Variants in RNLS observed in about 807,000 individuals in gnomAD.
RNLS encodes renalase.
RNLS carries 39 observed loss-of-function variants against 39.8 expected under a neutral mutation model. The ratio of observed to expected loss-of-function variants is 0.98; its 90% CI spans 0.76 to 1.28. RNLS has a LOEUF of 1.28. Among genes scored for constraint, RNLS ranks in the 50% most tolerant of loss-of-function variants. The probability of loss-of-function intolerance (pLI) is 0.00; values close to 1 mark genes in which losing one functional copy is unlikely to be tolerated. For missense variants in RNLS, 410 were observed against 413.3 expected, an observed-to-expected ratio of 0.99 and a Z score of 0.07; for synonymous variants, 147 against 150.7, an observed-to-expected ratio of 0.98 and a Z score of 0.18.
chr10:88,437,952 C>T (rs1284501864), intron 4 of RNLS, among the ~76,000 whole-genome samples: 2 of 151,994 alleles, frequency 1.3e-5, no homozygotes, highest in Non-Finnish European at 2.9e-5. Flanking sequence ...CATGGAGAAA[C>T]CCCGTCTCTA....
rs191340348 is a variant in RNLS, at chr10:88,495,588, C to T, written c.526+77315G>A. On this transcript the variant is annotated intron_variant, in intron 4 of 6. Transcript: ENST00000331772. Reference sequence around the variant, plus strand: ...CATACTGAAAAGAAATCAAAAAGGGCTACCAGTGGGGGATGAGAGAGGAGG... The same window carrying T: ...CATACTGAAAAGAAATCAAAAAGGGTTACCAGTGGGGGATGAGAGAGGAGG... Among the ~76,000 whole-genome samples, 351 of 152,104 alleles carry T rather than the reference C, an allele frequency of 2.3e-3. 1 individual carries two copies. Among genetic ancestry groups the T allele is most frequent in the African/African-American group, 8.1e-3 (337 of 41,494 alleles).
chr10:88,406,034 G>T (rs1055958375), intron 4 of RNLS, among the ~76,000 whole-genome samples: 3 of 152,040 alleles, frequency 2.0e-5, no homozygotes, highest in Non-Finnish European at 4.4e-5. Context: ...TTTGTTTGAG[G>T]AGGCTGAAGA....
the RNLS span, among the ~76,000 whole-genome samples, chr10:88,184,387 A>G: frequency 6.6e-6 from 1 of 152,150 alleles, no homozygotes; most frequent in African/African-American, 2.4e-5. Flanking sequence ...TCTTTCCAGT[A>G]TCTTTCAAGT....
At chr10:88,239,999 T>C in the RNLS span, among the ~76,000 whole-genome samples, 1 of 152,212 alleles carries the variant, frequency 6.6e-6, no homozygotes, top group African/African-American at 2.4e-5. Context: ...GAAATCTTAA[T>C]GATAACCCAA....
intron 4 of RNLS, among the ~76,000 whole-genome samples, chr10:88,558,037 G>A (rs1848966787): frequency 6.6e-6 from 1 of 152,136 alleles, no homozygotes; most frequent in African/African-American, 2.4e-5. Flanking sequence ...CCTTCTGTTA[G>A]GGTAGCAACC....
intron 6 of RNLS, chr10:88,309,413 T>G: frequency 7.8e-7 from 1 of 1,289,742 alleles, no homozygotes; most frequent in Non-Finnish European, 1.0e-6. Context: ...GAGGGGATAA[T>G]GTAAACGTAC....
chr10:88,319,159 C>T (rs1219274785), intron 5 of RNLS, among the ~76,000 whole-genome samples: 1 of 152,044 alleles, frequency 6.6e-6, no homozygotes. Context: ...CAAAAGCTAC[C>T]CACAATGAAG....
At position 88,582,177 on chromosome 10, in the gene RNLS, A is replaced by C. The variant is rs115961323; in HGVS notation, c.224+25T>G. ...TGACATCACACAACTGCTAAGATTG[A>C]TTCCACTCCTTGCAACTAACTCACC... On this transcript the variant is annotated intron_variant, in intron 2 of 6. Coordinates refer to ENST00000331772, the MANE Select transcript of RNLS (RefSeq NM_001031709.3). The C allele has an allele frequency of 2.3e-4, 358 of 1,560,842 alleles. No homozygotes were observed. In the African/African-American group the frequency reaches 4.5e-3, roughly 20 times the overall value.
At chr10:88,469,258 G>T (rs1437468618) in intron 4 of RNLS, among the ~76,000 whole-genome samples, 1 of 152,088 alleles carries the variant, frequency 6.6e-6, no homozygotes, top group Admixed American at 6.6e-5. Flanking sequence ...CAGTGCCCTG[G>T]CCACAGTGCT....
At chr10:88,318,575 T>C (rs1290261977) in intron 5 of RNLS, among the ~76,000 whole-genome samples, 2 of 152,024 alleles carry the variant, frequency 1.3e-5, no homozygotes, top group Non-Finnish European at 2.9e-5. Context: ...AGGGCCCAAC[T>C]CCCTGACCCT....
chr10:88,326,387 C>T lies in RNLS; in HGVS notation c.701-11746G>A, dbSNP rs12246447. The stretch of plus-strand genomic sequence containing the variant: ...ATGAGGAACTTATTGGGAACTAGAG[C>T]GAAGGTCACTCTTGCCATGCTTTAG... On this transcript the variant is annotated intron_variant, in intron 5 of 6. Transcript: ENST00000331772. Among the ~76,000 whole-genome samples, 645 of 152,254 alleles carry T rather than the reference C, an allele frequency of 4.2e-3. 5 individuals are homozygous for T. The highest frequency in any genetic ancestry group is 0.014 in the African/African-American group (590 of 41,534).
At chr10:88,526,599 CA>C (rs1177874092) in intron 4 of RNLS, among the ~76,000 whole-genome samples, 1 of 151,614 alleles carries the variant, frequency 6.6e-6, no homozygotes, top group African/African-American at 2.4e-5. Flanking sequence ...CCTACCTCTA[CA>C]AAAAAATTTA....
At chr10:88,538,349 A>G (rs1212932733) in intron 4 of RNLS, among the ~76,000 whole-genome samples, 4 of 152,202 alleles carry the variant, frequency 2.6e-5, no homozygotes, top group Non-Finnish European at 5.9e-5. Context: ...CTTTGTCGTC[A>G]GAATCAAATC....
At chr10:88,402,033 T>C (rs887429165) in intron 4 of RNLS, among the ~76,000 whole-genome samples, 1 of 151,886 alleles carries the variant, frequency 6.6e-6, no homozygotes, top group African/African-American at 2.4e-5. Flanking sequence ...AGCAATAAGA[T>C]ACAGAAAAGA....
the RNLS span, among the ~76,000 whole-genome samples, chr10:88,249,326 C>T: frequency 6.6e-6 from 1 of 152,302 alleles, no homozygotes; most frequent in Middle Eastern, 3.4e-3. Context: ...ACTGCATTAC[C>T]TGCCGTTGCT....
rs539965512 is a variant in RNLS at position 88,552,028 on chromosome 10, G to C, written c.526+20875C>G. 2.1e-4 allele frequency among the ~76,000 whole-genome samples: 32 copies of C among 152,296 alleles called. No homozygotes were observed. In the South Asian group the frequency reaches 6.2e-3, roughly 30 times the overall value. ...AACGAACACAAGTCAAATGGCAGCA[G>C]CAGTTTCTTTCATTGACCACTTAGC... is the stretch of plus-strand genomic sequence containing the variant. On this transcript the variant is annotated intron_variant, in intron 4 of 6. Coordinates refer to ENST00000331772, the MANE Select transcript of RNLS (RefSeq NM_001031709.3).
At chr10:88,335,392 T>A (rs1382675964) in intron 5 of RNLS, among the ~76,000 whole-genome samples, 3 of 152,072 alleles carry the variant, frequency 2.0e-5, no homozygotes, top group Non-Finnish European at 2.9e-5. Flanking sequence ...CTAATTATTT[T>A]ATTTTTTATA....
At chr10:88,559,360 G>C (rs1165274827) in intron 4 of RNLS, among the ~76,000 whole-genome samples, 4 of 152,150 alleles carry the variant, frequency 2.6e-5, no homozygotes, top group African/African-American at 4.8e-5. Context: ...CCACCTCAAT[G>C]TATCCAGCCA....
At chr10:88,395,512 G>C (rs1752367766) in intron 4 of RNLS, among the ~76,000 whole-genome samples, 1 of 151,908 alleles carries the variant, frequency 6.6e-6, no homozygotes, top group Non-Finnish European at 1.5e-5. Flanking sequence ...GCAGAATAAA[G>C]AATCAGCAAA....
Sources: gnomAD v4.1 joint callset for allele counts (sites outside exome capture counted in the v4.1 genomes callset) on GRCh38, gnomAD v4.1.1 for gene constraint, MANE v1.5 for transcripts, NCBI Gene and HGNC (gene_info 2026-07-23, HGNC 2026-07-21) for gene names.